The following CDH2 variants were observed in gnomAD, a reference collection of about 807,000 sequenced individuals.
The protein encoded by CDH2 is cadherin 2.
A neutral mutation model predicts 92.0 loss-of-function variants in CDH2; 17 were observed. The observed-to-expected ratio is 0.18, with a 90% CI of 0.13 to 0.28. The LOEUF is 0.28. Ranked by LOEUF, CDH2 falls within the 10% of genes least tolerant of loss-of-function variation. The probability of loss-of-function intolerance (pLI) is 1.00; values close to 1 mark genes in which losing one functional copy is unlikely to be tolerated. For synonymous variants in CDH2, 419 were observed against 415.9 expected (o/e 1.01, Z -0.09); for missense variants, 862 against 1,133.1 (o/e 0.76, Z 3.44).
At chr18:28,073,936 T>A (rs1250796812) in intron 2 of CDH2, among the ~76,000 whole-genome samples, 2 of 152,192 alleles carry the variant, frequency 1.3e-5, no homozygotes, top group African/African-American at 2.4e-5. Flanking sequence ...GCACAGTGTT[T>A]AGCCATTCAC....
intron 2 of CDH2, among the ~76,000 whole-genome samples, chr18:28,033,901 C>T (rs965106302): frequency 2.0e-5 from 3 of 151,946 alleles, no homozygotes; most frequent in African/African-American, 7.2e-5. Flanking sequence ...TAAAAAAATG[C>T]TTGTATTAAA....
chr18:28,114,593 G>C (rs1453855632), intron 2 of CDH2, among the ~76,000 whole-genome samples: 1 of 152,050 alleles, frequency 6.6e-6, no homozygotes, highest in Non-Finnish European at 1.5e-5. Flanking sequence ...TTTAAATTAT[G>C]TTCTTCTCCT....
At chr18:28,053,618 C>G (rs908205584) in intron 2 of CDH2, among the ~76,000 whole-genome samples, 3 of 152,186 alleles carry the variant, frequency 2.0e-5, no homozygotes, top group African/African-American at 4.8e-5. Flanking sequence ...AGTCCTATAC[C>G]TCACTTCTGT....
chr18:28,128,423 G>A (rs1284599284), intron 2 of CDH2, among the ~76,000 whole-genome samples: 4 of 152,074 alleles, frequency 2.6e-5, no homozygotes, highest in Non-Finnish European at 5.9e-5. Context: ...GACAGGGCAC[G>A]GTGACTCACA....
At position 28,085,276 on chromosome 18, in the gene CDH2, C is replaced by T. The variant is rs187596156; in HGVS notation, c.172+62397G>A. On this transcript the variant is annotated intron_variant, in intron 2 of 15. Coordinates refer to ENST00000269141, the MANE Select transcript of CDH2 (RefSeq NM_001792.5). ...AGCTCTACTTAGCAGTCTCTTTCTC[C>T]GTCTCTTTTCTCTTACACTTCCACA... Among the ~76,000 whole-genome samples the T allele has an allele frequency of 1.8e-4, 28 of 152,162 alleles. 1 individual carries two copies. Among genetic ancestry groups the T allele is most frequent in the African/African-American group, 5.8e-4 (24 of 41,546 alleles).
intron 1 of CDH2, 44 bp downstream of exon 1, chr18:28,176,919 G>GC: frequency 2.7e-6 from 2 of 731,584 alleles, no homozygotes; most frequent in Non-Finnish European, 3.7e-6. Context: ...GGCGCCGCCC[G>GC]CCCCACCCCG....
At chr18:28,068,859 T>C (rs2144162474) in intron 2 of CDH2, among the ~76,000 whole-genome samples, 1 of 152,314 alleles carries the variant, frequency 6.6e-6, no homozygotes, top group Non-Finnish European at 1.5e-5. Flanking sequence ...AGCTATTCAA[T>C]CTTCAATCTA....
chr18:28,113,612 T>G (rs1348641687), intron 2 of CDH2, among the ~76,000 whole-genome samples: 2 of 152,108 alleles, frequency 1.3e-5, no homozygotes, highest in African/African-American at 4.8e-5. Context: ...TTAGATAGCT[T>G]CATAGCTGAT....
At chr18:27,985,836 AAGCT>A in intron 11 of CDH2, 75 bp from the exon 12 acceptor site, 1 of 879,220 alleles carries the variant, frequency 1.1e-6, no homozygotes, top group South Asian at 1.6e-5. Context: ...GAAATTCTCA[AAGCT>A]TCTAACCTTC....
chr18:28,020,806 A>T (rs1471370055), intron 2 of CDH2, among the ~76,000 whole-genome samples: 1 of 151,996 alleles, frequency 6.6e-6, no homozygotes, highest in Non-Finnish European at 1.5e-5. Context: ...TGCAAACTAG[A>T]AACTTTAGTT....
intron 2 of CDH2, among the ~76,000 whole-genome samples, chr18:28,031,607 A>G (rs1383574352): frequency 2.0e-5 from 3 of 151,982 alleles, no homozygotes; most frequent in African/African-American, 7.2e-5. Flanking sequence ...GATTCCTCCA[A>G]CAAGCTAAAT....
At chr18:28,044,898 T>C (rs187228865) in intron 2 of CDH2, among the ~76,000 whole-genome samples, 83 of 150,296 alleles carry the variant, frequency 5.5e-4, no homozygotes, top group African/African-American at 1.9e-3. Context: ...TCCTGGCACA[T>C]AGAATGTTTT....
At chr18:28,067,654 T>G (rs2014535513) in intron 2 of CDH2, among the ~76,000 whole-genome samples, 1 of 152,200 alleles carries the variant, frequency 6.6e-6, no homozygotes, top group Non-Finnish European at 1.5e-5. Context: ...TTGGGTTGTT[T>G]CCAATTGATT....
intron 2 of CDH2, among the ~76,000 whole-genome samples, chr18:28,123,128 T>C (rs2015619675): frequency 6.6e-6 from 1 of 152,144 alleles, no homozygotes; most frequent in Non-Finnish European, 1.5e-5. Flanking sequence ...TAGTCTAAAA[T>C]ACTACTCCAA....
intron 1 of CDH2, among the ~76,000 whole-genome samples, chr18:28,155,045 T>C (rs1465259028): frequency 1.3e-5 from 2 of 152,196 alleles, no homozygotes; most frequent in Admixed American, 6.5e-5. Context: ...AATTACATTA[T>C]TGTTTGGGAG....
chr18:28,149,769 A>G (rs1049750084), intron 1 of CDH2, among the ~76,000 whole-genome samples: 12 of 152,214 alleles, frequency 7.9e-5, no homozygotes, highest in African/African-American at 2.9e-4. Flanking sequence ...TATCTGTAAT[A>G]ATTACTTTCT....
intron 13 of CDH2, 29 bp downstream of exon 13, chr18:27,984,971 G>T: frequency 6.5e-7 from 1 of 1,549,070 alleles, no homozygotes; most frequent in Non-Finnish European, 8.9e-7. Context: ...CAAGAGAACT[G>T]AAATCTAAAA....
At chr18:28,028,198 A>C (rs574533305) in intron 2 of CDH2, among the ~76,000 whole-genome samples, 2 of 152,124 alleles carry the variant, frequency 1.3e-5, no homozygotes, top group Non-Finnish European at 2.9e-5. Context: ...CCTGTTTCTC[A>C]ATGAATTTCC....
At chr18:28,005,416 C>G (rs551510333) in intron 6 of CDH2, among the ~76,000 whole-genome samples, 11 of 152,140 alleles carry the variant, frequency 7.2e-5, no homozygotes, top group Non-Finnish European at 1.6e-4. Context: ...CCACCTAGTC[C>G]CAGGAACGTC....
Sources: gnomAD v4.1 joint callset for allele counts (sites outside exome capture counted in the v4.1 genomes callset) on GRCh38, gnomAD v4.1.1 for gene constraint, MANE v1.5 for transcripts, NCBI Gene and HGNC (gene_info 2026-07-23, HGNC 2026-07-21) for gene names.